ZNF33B: variants seen among roughly 807,000 people sequenced by gnomAD.
The protein encoded by ZNF33B is zinc finger protein 11b (KOX 2).
ZNF33B carries 29 observed loss-of-function variants against 45.8 expected under a neutral mutation model. That is an observed-to-expected ratio of 0.63 (90% CI 0.47 to 0.86). ZNF33B has a LOEUF of 0.86. Among genes scored for constraint, ZNF33B ranks in the 40% least tolerant of loss-of-function variants. The probability of loss-of-function intolerance (pLI) is 0.00; values close to 1 mark genes in which losing one functional copy is unlikely to be tolerated. For synonymous variants in ZNF33B, 305 were observed against 307.8 expected (o/e 0.99, Z 0.10); for missense variants, 831 against 909.9 (o/e 0.91, Z 1.12).
At chr10:42,578,895 T>G (rs1397413510) in intron 1 of ZNF33B, among the ~76,000 whole-genome samples, 1 of 152,206 alleles carries the variant, frequency 6.6e-6, no homozygotes, top group Non-Finnish European at 1.5e-5. Context: ...TGTTGGCGGA[T>G]TTTTTGTTGT....
At chr10:42,625,708 GGT>G in intron 4 of ZNF33B, among the ~76,000 whole-genome samples, 1 of 152,218 alleles carries the variant, frequency 6.6e-6, no homozygotes, top group Non-Finnish European at 1.5e-5. Context: ...CCTGACCTCA[GGT>G]GATCCACTCG....
chr10:42,603,184 G>T (rs1223421947), intron 4 of ZNF33B, among the ~76,000 whole-genome samples: 2 of 152,182 alleles, frequency 1.3e-5, no homozygotes, highest in African/African-American at 4.8e-5. Context: ...CCCACCCAGA[G>T]AAAAGCAAAA....
At chr10:42,636,773 AAC>A in intron 2 of ZNF33B, 145 bp downstream of exon 2, 1 of 1,082,496 alleles carries the variant, frequency 9.2e-7, no homozygotes. Flanking sequence ...GGTTGCAGTG[AAC>A]AGAGATGGAG....
chr10:42,609,741 A>G (rs527677692), intron 4 of ZNF33B, among the ~76,000 whole-genome samples: 59 of 152,346 alleles, frequency 3.9e-4, no homozygotes, highest in African/African-American at 1.4e-3. Flanking sequence ...TTATACTAGT[A>G]AGGCAAGTTT....
At chr10:42,596,717 T>C (rs1441146373) in intron 4 of ZNF33B, among the ~76,000 whole-genome samples, 1 of 152,132 alleles carries the variant, frequency 6.6e-6, no homozygotes, top group Non-Finnish European at 1.5e-5. Context: ...AATAGAACTT[T>C]TAAAAATTGC....
At chr10:42,582,627 G>A (rs1026592000) in intron 1 of ZNF33B, 1 of 154,506 alleles carries the variant, frequency 6.5e-6, no homozygotes, top group African/African-American at 2.4e-5. Flanking sequence ...CCACAGATGG[G>A]ACAGAGAAGG....
chr10:42,632,395 A>G lies in ZNF33B; in HGVS notation c.54T>C (p.Thr18=). 2 of 1,614,024 alleles carry G rather than the reference A, an allele frequency of 1.2e-6. No individual in the cohort carries two copies. Among genetic ancestry groups the G allele is most frequent in the South Asian group, 1.1e-5 (1 of 91,030 alleles). Reference sequence around the variant, plus strand: ...GCCACTCCTCCTGGGTGAAGCCCACAGTCACATCTTTAAATGATACTGACC... The same window carrying G: ...GCCACTCCTCCTGGGTGAAGCCCACGGTCACATCTTTAAATGATACTGACC... The part of the protein sequence containing the change: ...FQGSVSFKDV[T]VGFTQEEWQH... The change falls in exon 3 of 5, where the codon ACT becomes ACC. Residue 18 remains threonine, a synonymous_variant. Coordinates refer to ENST00000359467, the MANE Select transcript of ZNF33B (RefSeq NM_006955.3).
intron 2 of ZNF33B, among the ~76,000 whole-genome samples, chr10:42,633,205 G>C (rs1839134153): frequency 6.6e-6 from 1 of 152,098 alleles, no homozygotes; most frequent in African/African-American, 2.4e-5. Context: ...TTAATTCAAA[G>C]ACAATAATAG....
At chr10:42,617,143 A>AC (rs1838363794) in intron 4 of ZNF33B, among the ~76,000 whole-genome samples, 1 of 109,056 alleles carries the variant, frequency 9.2e-6, no homozygotes, top group Non-Finnish European at 1.7e-5. Flanking sequence ...TCACTCTGTC[A>AC]CCCAGGCTGG....
chr10:42,607,308 C>T (rs554792375), intron 4 of ZNF33B, among the ~76,000 whole-genome samples: 2 of 140,850 alleles, frequency 1.4e-5, no homozygotes, highest in African/African-American at 5.3e-5. Context: ...AAACGTTATA[C>T]TAAAATATAT....
downstream of ZNF33B, among the ~76,000 whole-genome samples, chr10:42,585,565 G>A (rs1836916761): frequency 6.6e-6 from 1 of 152,186 alleles, no homozygotes; most frequent in Non-Finnish European, 1.5e-5. Context: ...ACCAATGATT[G>A]ATAACACCAG....
At chr10:42,629,631 C>T (rs1161626671) in intron 4 of ZNF33B, among the ~76,000 whole-genome samples, 2 of 152,144 alleles carry the variant, frequency 1.3e-5, no homozygotes, top group Admixed American at 1.3e-4. Context: ...GTTTTTTCCA[C>T]TCTGCCAATT....
At position 42,594,353 on chromosome 10, in the gene ZNF33B, A is replaced by G. The variant is rs371397364; in HGVS notation, c.597T>C (p.Thr199=). The change falls in exon 5 of 5, where the codon ACT becomes ACC. Residue 199 remains threonine, a synonymous_variant. Transcript: ENST00000359467. ...GCAAAGTGTTCTCACGATGACTCAG[A>G]GTGTTCCTATTTTTCAAAACTTCAT... ...EKNEVLKNRN[T]LSHRENTLQH... The G allele has an allele frequency of 6.2e-7, 1 of 1,613,910 alleles. No individual in the cohort carries two copies. Among genetic ancestry groups the G allele is most frequent in the East Asian group, 2.2e-5 (1 of 44,858 alleles).
intron 4 of ZNF33B, among the ~76,000 whole-genome samples, chr10:42,607,418 C>A (rs1837908882): frequency 6.6e-6 from 1 of 151,998 alleles, no homozygotes; most frequent in Admixed American, 6.6e-5. Context: ...AAGAAATTAC[C>A]TGATGGGTGC....
intron 4 of ZNF33B, among the ~76,000 whole-genome samples, chr10:42,625,383 T>G (rs1482817067): frequency 6.6e-6 from 1 of 152,194 alleles, no homozygotes; most frequent in Non-Finnish European, 1.5e-5. Flanking sequence ...ATGTTCATTG[T>G]TAGTGGAAAG....
At chr10:42,623,930 TCAAA>T (rs1413665526) in intron 4 of ZNF33B, among the ~76,000 whole-genome samples, 1 of 152,174 alleles carries the variant, frequency 6.6e-6, no homozygotes, top group Non-Finnish European at 1.5e-5. Flanking sequence ...CAACAGTTTG[TCAAA>T]TGTCTTAGCT....
In ZNF33B at chr10:42,620,210, T is replaced by C. The variant is rs117612162; in HGVS notation, c.250+11719A>G. The stretch of plus-strand genomic sequence containing the variant: ...TGGCCTGGGCAACAGAGCAAGACTT[T>C]GGTCTTGAAAAAAAAAAAAAAAAAT... On this transcript the variant is annotated intron_variant, in intron 4 of 4. Transcript: ENST00000359467. 1.2e-4 allele frequency among the ~76,000 whole-genome samples: 17 copies of C among 141,494 alleles called. No individual in the cohort carries two copies. The East Asian group carries it at 2.2e-3, about 19-fold the overall frequency. 92.8% of individuals were successfully genotyped at this position (141,494 alleles called of 152,430 possible). A position where few individuals can be genotyped will look rare whatever the true frequency, so the allele number is the denominator to read the frequency against.
rs748829793 is a variant in ZNF33B, at chr10:42,594,085, T to A, written c.865A>T (p.Thr289Ser). ...DCEKFLCVKS[T>S]LSKHDGVPVK... The stretch of plus-strand genomic sequence containing the variant: ...GGTACCCCATCATGTTTAGAAAGGG[T>A]GGACTTCACACATAAGAACTTCTCA... Residue 289 changes from threonine (T) to serine (S), a missense_variant, in exon 5 of 5, where the codon ACC (threonine) becomes TCC (serine). Thr to Ser is a moderately conservative substitution (Grantham distance 58, BLOSUM62 1). Coordinates refer to ENST00000359467, the MANE Select transcript of ZNF33B (RefSeq NM_006955.3). 1.2e-6 allele frequency: 2 copies of A among 1,614,024 alleles called. No individual in the cohort carries two copies. Among genetic ancestry groups the A allele is most frequent in the African/African-American group, 2.7e-5 (2 of 75,028 alleles).
intron 4 of ZNF33B, among the ~76,000 whole-genome samples, chr10:42,599,823 T>C (rs1297896052): frequency 6.6e-6 from 1 of 152,026 alleles, no homozygotes; most frequent in East Asian, 1.9e-4. Context: ...TCAATGAGTA[T>C]TGTATGTATT....
Sources: allele counts gnomAD v4.1 joint callset (sites outside exome capture counted in the v4.1 genomes callset), GRCh38; gene constraint gnomAD v4.1.1; transcripts MANE v1.5; gene names NCBI Gene and HGNC (gene_info 2026-07-23, HGNC 2026-07-21).